ADGRL2: variants seen among roughly 807,000 people sequenced by gnomAD.
ADGRL2 encodes adhesion G protein-coupled receptor L2, also known as calcium-independent alpha-latrotoxin receptor 2.
Under a neutral mutation model 157.4 loss-of-function variants are expected in ADGRL2, and 44 were observed. The ratio of observed to expected loss-of-function variants is 0.28; its 90% CI spans 0.22 to 0.36. The LOEUF is 0.36. ADGRL2 is among the 10% of genes least tolerant of loss of function. ADGRL2 has a pLI of 1.00. For missense variants in ADGRL2, 1,510 were observed against 1,768.9 expected (o/e 0.85, Z 2.63); for synonymous variants, 585 against 624.7 (o/e 0.94, Z 0.95).
At chr1:81,449,483 A>T (rs1358579719) in intron 2 of ADGRL2, among the ~76,000 whole-genome samples, 1 of 152,250 alleles carries the variant, frequency 6.6e-6, no homozygotes, top group East Asian at 1.9e-4. Flanking sequence ...GTGTAGCCAG[A>T]GTCTGAAGCT....
chr1:81,327,083 T>C (rs1183161662), intron 1 of ADGRL2, among the ~76,000 whole-genome samples: 2 of 152,186 alleles, frequency 1.3e-5, no homozygotes, highest in Non-Finnish European at 2.9e-5. Context: ...GTTCAGGACA[T>C]ACACTTATGT....
At chr1:81,938,100 T>C (rs1165909794) in intron 4 of ADGRL2, among the ~76,000 whole-genome samples, 1 of 151,784 alleles carries the variant, frequency 6.6e-6, no homozygotes, top group Admixed American at 6.6e-5. Flanking sequence ...CTGTACCATT[T>C]GTAGGATTGG....
intron 3 of ADGRL2, among the ~76,000 whole-genome samples, chr1:81,632,320 T>G (rs1472374859): frequency 6.6e-6 from 1 of 152,152 alleles, no homozygotes; most frequent in African/African-American, 2.4e-5. Context: ...ATGGCCTTAG[T>G]AGGACCTCCT....
intron 2 of ADGRL2, among the ~76,000 whole-genome samples, chr1:81,765,728 C>T (rs1435999183): frequency 6.6e-6 from 1 of 151,928 alleles, no homozygotes; most frequent in Non-Finnish European, 1.5e-5. Context: ...GATATATACA[C>T]GTCAATGAAC....
intron 1 of ADGRL2, among the ~76,000 whole-genome samples, chr1:81,743,366 A>C (rs532392472): frequency 6.7e-6 from 1 of 149,364 alleles, no homozygotes; most frequent in East Asian, 2.0e-4. Context: ...TTATGGGGGC[A>C]GGAAAGCAGA....
At chr1:81,690,470 TGG>T (rs1228883663) in intron 3 of ADGRL2, among the ~76,000 whole-genome samples, 1 of 152,192 alleles carries the variant, frequency 6.6e-6, no homozygotes, top group Non-Finnish European at 1.5e-5. Context: ...CACTCCAGCC[TGG>T]GTGACAGAAT....
intron 1 of ADGRL2, among the ~76,000 whole-genome samples, chr1:81,740,629 G>T (rs2085043689): frequency 6.6e-6 from 1 of 152,030 alleles, no homozygotes; most frequent in Non-Finnish European, 1.5e-5. Flanking sequence ...TGTCTCAAAG[G>T]TTTTGAGCTC....
At chr1:81,328,624 TAG>T (rs1661059859) in intron 1 of ADGRL2, among the ~76,000 whole-genome samples, 1 of 152,130 alleles carries the variant, frequency 6.6e-6, no homozygotes, top group South Asian at 2.1e-4. Flanking sequence ...ATAATTTTAT[TAG>T]CTGAGATAAA....
chr1:81,353,089 C>A (rs367885008), intron 1 of ADGRL2, among the ~76,000 whole-genome samples: 3 of 152,066 alleles, frequency 2.0e-5, no homozygotes, highest in African/African-American at 7.2e-5. Flanking sequence ...GTACGTTAAT[C>A]ATCACAAGAA....
At chr1:81,734,786 C>A (rs2084841806) in intron 1 of ADGRL2, among the ~76,000 whole-genome samples, 1 of 149,276 alleles carries the variant, frequency 6.7e-6, no homozygotes, top group South Asian at 2.2e-4. Context: ...GTAATCCCAG[C>A]ACTTTGGGAG....
Position 81,943,187 on chromosome 1 carries a change from C to T in ADGRL2, c.628C>T (p.Arg210Ter), listed in dbSNP as rs1487870704. ...AACAACAACATATAAACTTCCAAATCGAGTAGATGGTACTGGATTTGTGGT... is the reference window on the plus strand; with the variant it reads ...AACAACAACATATAAACTTCCAAATTGAGTAGATGGTACTGGATTTGTGGT... ...RQTTTYKLPN[R>*]VDGTGFVVYD... The change falls in exon 6 of 24, where the codon CGA becomes TGA. Residue 210 changes from arginine (R) to a stop codon, truncating the protein, a stop_gained. Coordinates refer to ENST00000686636, the MANE Select transcript of ADGRL2 (RefSeq NM_001366006.2). LOFTEE classifies it high-confidence loss of function. The surrounding 1 kb of genome is among the most constrained non-coding windows in gnomAD (Gnocchi z 5.6). 1.2e-6 allele frequency: 2 copies of T among 1,613,356 alleles called. No individual in the cohort carries two copies. Among genetic ancestry groups the T allele is most frequent in the Non-Finnish European group, 1.7e-6 (2 of 1,179,542 alleles).
intron 2 of ADGRL2, among the ~76,000 whole-genome samples, chr1:81,855,572 T>A (rs574266666): frequency 6.6e-6 from 1 of 152,340 alleles, no homozygotes; most frequent in African/African-American, 2.4e-5. Flanking sequence ...TACTTTTTAA[T>A]ATTTTTTCCT....
upstream of ADGRL2, among the ~76,000 whole-genome samples, chr1:81,698,013 T>C (rs560584880): frequency 2.0e-5 from 3 of 152,286 alleles, no homozygotes; most frequent in African/African-American, 4.8e-5. Context: ...CTCTCCAATA[T>C]GGTGATAGGC....
chr1:81,457,780 C>T (rs1024160822), intron 2 of ADGRL2, among the ~76,000 whole-genome samples: 11 of 152,104 alleles, frequency 7.2e-5, no homozygotes, highest in Non-Finnish European at 1.6e-4. Context: ...CATCTCCATA[C>T]CTTTTACACT....
intron 2 of ADGRL2, among the ~76,000 whole-genome samples, chr1:81,529,915 A>C (rs1202119785): frequency 1.3e-5 from 2 of 152,214 alleles, no homozygotes; most frequent in Non-Finnish European, 2.9e-5. Flanking sequence ...TGAGGAACAA[A>C]ACCTGTGGTA....
At chr1:81,441,755 G>A (rs2077511384) in intron 1 of ADGRL2, among the ~76,000 whole-genome samples, 1 of 152,272 alleles carries the variant, frequency 6.6e-6, no homozygotes, top group African/African-American at 2.4e-5. Context: ...GGCCAGGCTG[G>A]TCTCAAACTC....
chr1:81,445,159 G>A (rs2077576410), intron 2 of ADGRL2: 1 of 152,174 alleles, frequency 6.6e-6, no homozygotes, highest in African/African-American at 2.4e-5. Flanking sequence ...CTGCCTAAAT[G>A]TATTTGCTTT....
intron 1 of ADGRL2, among the ~76,000 whole-genome samples, chr1:81,350,148 A>T (rs1006580566): frequency 2.6e-5 from 4 of 152,146 alleles, no homozygotes; most frequent in African/African-American, 4.8e-5. Context: ...TTAGGGATGA[A>T]TTTTTAGGGA....
intron 2 of ADGRL2, among the ~76,000 whole-genome samples, chr1:81,453,572 C>T (rs1184481489): frequency 6.6e-6 from 1 of 152,114 alleles, no homozygotes; most frequent in African/African-American, 2.4e-5. Context: ...CAAAAACACA[C>T]CCTCTCTTAA....
Sources: allele counts gnomAD v4.1 joint callset (sites outside exome capture counted in the v4.1 genomes callset), GRCh38; gene constraint gnomAD v4.1.1; non-coding constraint Gnocchi (gnomAD v3.1); transcripts MANE v1.5; gene names NCBI Gene and HGNC (gene_info 2026-07-23, HGNC 2026-07-21).